Variants in CSNK1G1 observed in about 807,000 individuals in gnomAD.
The protein encoded by CSNK1G1 is casein kinase 1 gamma 1, also known as casein kinase I isoform gamma-1.
In CSNK1G1, 22 loss-of-function variants were observed where a neutral mutation model predicts 59.6. The observed-to-expected ratio is 0.37, with a 90% CI of 0.26 to 0.53. The LOEUF is 0.53. Among genes scored for constraint, CSNK1G1 ranks in the 20% least tolerant of loss-of-function variants. The pLI is 0.89. For missense variants in CSNK1G1, 384 were observed against 519.5 expected, an observed-to-expected ratio of 0.74 and a Z score of 2.54; for synonymous variants, 179 against 177.1, an observed-to-expected ratio of 1.01 and a Z score of -0.08.
At chr15:64,238,697 G>C (rs1171334199) in intron 4 of CSNK1G1, among the ~76,000 whole-genome samples, 1 of 151,424 alleles carries the variant, frequency 6.6e-6, no homozygotes, top group Non-Finnish European at 1.5e-5. Flanking sequence ...CTGAATTACA[G>C]CTATGGCGTG....
chr15:64,289,754 T>G lies in CSNK1G1; in HGVS notation c.181+10565A>C, dbSNP rs77092998. Among the ~76,000 whole-genome samples the G allele has an allele frequency of 6.9e-3, 1,055 of 152,200 alleles. 11 individuals are homozygous for G. Among genetic ancestry groups the G allele is most frequent in the African/African-American group, 0.017 (711 of 41,552 alleles). On this transcript the variant is annotated intron_variant, in intron 2 of 11. Coordinates refer to ENST00000303052, the MANE Select transcript of CSNK1G1 (RefSeq NM_022048.5). ...TAATTGTAAGAATTTACAAGGAACTTAAACAAACAATAACAAAAAACCGTA... is the reference window on the plus strand; with the variant it reads ...TAATTGTAAGAATTTACAAGGAACTGAAACAAACAATAACAAAAAACCGTA...
chr15:64,338,403 G>A (rs1020747042), intron 1 of CSNK1G1, among the ~76,000 whole-genome samples: 2 of 152,024 alleles, frequency 1.3e-5, no homozygotes, highest in African/African-American at 4.8e-5. Context: ...ACAACTTGAT[G>A]GTTAAAAACA....
chr15:64,347,786 T>A (rs1409111653), intron 1 of CSNK1G1, among the ~76,000 whole-genome samples: 13 of 151,862 alleles, frequency 8.6e-5, no homozygotes, highest in Admixed American at 8.5e-4. Context: ...GGCGAGCAGA[T>A]CACGAGGTCA....
intron 4 of CSNK1G1, among the ~76,000 whole-genome samples, chr15:64,222,342 C>T (rs997473796): frequency 2.0e-5 from 3 of 148,720 alleles, no homozygotes; most frequent in African/African-American, 7.5e-5. Flanking sequence ...CACCATGGCA[C>T]ACATGTACCT....
intron 10 of CSNK1G1, among the ~76,000 whole-genome samples, chr15:64,187,202 T>G (rs941616448): frequency 6.6e-6 from 1 of 151,712 alleles, no homozygotes; most frequent in African/African-American, 2.4e-5. Context: ...ATGGTTTTTT[T>G]TGGGGGGGAT....
chr15:64,350,427 GGA>G (rs1898224074), intron 1 of CSNK1G1, among the ~76,000 whole-genome samples: 2 of 152,028 alleles, frequency 1.3e-5, no homozygotes, highest in African/African-American at 4.8e-5. Flanking sequence ...CGTGAACCCG[GGA>G]GATGGAGCTT....
chr15:64,304,383 CAAAAAAAAAAAAAA>C (rs3057017), intron 1 of CSNK1G1, among the ~76,000 whole-genome samples: 4 of 70,732 alleles, frequency 5.7e-5, no homozygotes, highest in African/African-American at 2.1e-4. Flanking sequence ...AACTCCACCT[CAAAAAAAAAAAAAA>C]AAAAAAAAGG....
intron 2 of CSNK1G1, among the ~76,000 whole-genome samples, chr15:64,262,182 T>C (rs1254595740): frequency 6.6e-6 from 1 of 152,204 alleles, no homozygotes; most frequent in Non-Finnish European, 1.5e-5. Flanking sequence ...ACATCTAAGA[T>C]GAGCAACCTC....
intron 4 of CSNK1G1, among the ~76,000 whole-genome samples, chr15:64,229,720 G>C (rs887315989): frequency 6.6e-6 from 1 of 151,898 alleles, no homozygotes; most frequent in Non-Finnish European, 1.5e-5. Flanking sequence ...CCTGTATCTG[G>C]ATGGCTTGAA....
chr15:64,207,702 T>C lies in CSNK1G1; in HGVS notation c.680-108A>G, dbSNP rs976816318. The C allele has an allele frequency of 4.8e-5, 35 of 736,158 alleles. 1 individual carries two copies. Among genetic ancestry groups the C allele is most frequent in the Non-Finnish European group, 7.1e-5 (30 of 423,636 alleles). The allele number at this position is 736,158 out of a possible 1,614,324, so 45.6% of individuals were successfully genotyped here. On this transcript the variant is annotated intron_variant, in intron 6 of 11. Transcript: ENST00000303052. ...CCCTTCGGCTCTGGAAAGGCTCTGCTTACTAATTACTTGTATATTTAAACC... is the reference window on the plus strand; with the variant it reads ...CCCTTCGGCTCTGGAAAGGCTCTGCCTACTAATTACTTGTATATTTAAACC...
Position 64,317,530 on chromosome 15 carries a change from C to CTT in CSNK1G1, c.-224-16809_-224-16808dup, listed in dbSNP as rs57192493. ...TATCCATCAAAGTGATAAGGTTTCT[C>CTT]TTTTTTTTTTTTTTTAATGTGGTGA... On this transcript the variant is annotated intron_variant, in intron 1 of 11. Transcript: ENST00000303052. Among the ~76,000 whole-genome samples the CTT allele has an allele frequency of 7.9e-3, 1,111 of 140,646 alleles. 10 individuals are homozygous for CTT. The highest frequency in any genetic ancestry group is 0.017 in the African/African-American group (642 of 37,922). 92.3% of individuals were successfully genotyped at this position (140,646 alleles called of 152,430 possible). A position where few individuals can be genotyped will look rare whatever the true frequency, so the allele number is the denominator to read the frequency against.
At chr15:64,237,753 C>G (rs1191594790) in intron 4 of CSNK1G1, among the ~76,000 whole-genome samples, 2 of 152,146 alleles carry the variant, frequency 1.3e-5, no homozygotes, top group Non-Finnish European at 2.9e-5. Flanking sequence ...GAAACAGAAC[C>G]ATGCTCCTGT....
At chr15:64,277,595 T>A (rs1442283982) in intron 2 of CSNK1G1, among the ~76,000 whole-genome samples, 1 of 139,412 alleles carries the variant, frequency 7.2e-6, no homozygotes, top group Non-Finnish European at 1.6e-5. Context: ...TATTAATATA[T>A]TTAATAATAT....
At chr15:64,345,461 A>G (rs1279555547) in intron 1 of CSNK1G1, among the ~76,000 whole-genome samples, 1 of 152,236 alleles carries the variant, frequency 6.6e-6, no homozygotes, top group African/African-American at 2.4e-5. Context: ...AACCCAAGTG[A>G]CAAAGGCTCT....
rs145500185 is a variant in CSNK1G1, at chr15:64,268,357, G to C, written c.182-9116C>G. Among the ~76,000 whole-genome samples the C allele has an allele frequency of 5.3e-4, 81 of 152,122 alleles. 2 individuals are homozygous for C. The East Asian group carries it at 0.013, about 24-fold the overall frequency. On this transcript the variant is annotated intron_variant, in intron 2 of 11. Transcript: ENST00000303052. ...AGGAATAAGGAAAGGTTTGTCAATG[G>C]GTACAAAGTTACAGTGAGATTTTAA...
At chr15:64,283,140 T>A (rs1894232771) in intron 2 of CSNK1G1, among the ~76,000 whole-genome samples, 1 of 152,066 alleles carries the variant, frequency 6.6e-6, no homozygotes, top group African/African-American at 2.4e-5. Flanking sequence ...ACACCATCTG[T>A]ACCCCAATAA....
At chr15:64,178,655 T>C (rs1002158526) in intron 11 of CSNK1G1, among the ~76,000 whole-genome samples, 2 of 151,906 alleles carry the variant, frequency 1.3e-5, no homozygotes, top group Admixed American at 6.6e-5. Flanking sequence ...CTAATTTTTA[T>C]ATTTTTAGTA....
chr15:64,313,135 C>G (rs1231633291), intron 1 of CSNK1G1, among the ~76,000 whole-genome samples: 1 of 152,180 alleles, frequency 6.6e-6, no homozygotes, highest in Non-Finnish European at 1.5e-5. Flanking sequence ...AATAGGAATG[C>G]TTTTACACTG....
At chr15:64,284,531 AT>A (rs1894307695) in intron 2 of CSNK1G1, among the ~76,000 whole-genome samples, 1 of 152,108 alleles carries the variant, frequency 6.6e-6, no homozygotes, top group Non-Finnish European at 1.5e-5. Context: ...TTTTGTACTC[AT>A]TTTATTAAAT....
Sources: gnomAD v4.1 joint callset for allele counts (sites outside exome capture counted in the v4.1 genomes callset) on GRCh38, gnomAD v4.1.1 for gene constraint, MANE v1.5 for transcripts, NCBI Gene and HGNC (gene_info 2026-07-23, HGNC 2026-07-21) for gene names.